Variants in TAFA1 observed in about 807,000 individuals in gnomAD.
TAFA1 encodes the protein TAFA chemokine like family member 1.
In TAFA1, 4 loss-of-function variants were observed where a neutral mutation model predicts 18.5. The ratio of observed to expected loss-of-function variants is 0.22; its 90% confidence interval spans 0.11 to 0.49. The LOEUF is 0.49. Ranked by LOEUF, TAFA1 falls within the 20% of genes least tolerant of loss-of-function variation. The probability of loss-of-function intolerance (pLI) is 0.98; values close to 1 mark genes in which losing one functional copy is unlikely to be tolerated. For missense variants in TAFA1, 147 were observed against 169.0 expected (o/e 0.87, Z 0.72); for synonymous variants, 56 against 55.2 (o/e 1.01, Z -0.06).
At position 68,030,748 on chromosome 3, in the gene TAFA1, A is replaced by C. The variant is rs148147551; in HGVS notation, c.118+24004A>C. Among the ~76,000 whole-genome samples the C allele has an allele frequency of 2.5e-3, 377 of 152,240 alleles. 2 individuals are homozygous for C. The highest frequency in any genetic ancestry group is 8.4e-3 in the Admixed American group (128 of 15,280). ...CTGTGTGTATGTGTCTTTATAGTAGAATGATTTATAATCCTTTGGGTATAT... is the reference window on the plus strand; with the variant it reads ...CTGTGTGTATGTGTCTTTATAGTAGCATGATTTATAATCCTTTGGGTATAT... On this transcript the variant is annotated intron_variant, in intron 2 of 4. Transcript: ENST00000478136.
chr3:68,460,694 C>G (rs558816539), intron 3 of TAFA1, among the ~76,000 whole-genome samples: 10 of 152,226 alleles, frequency 6.6e-5, no homozygotes, highest in Non-Finnish European at 1.0e-4. Context: ...AAGGCAGTAC[C>G]TGGAGTGGCT....
At chr3:68,409,385 G>A (rs535729885) in intron 2 of TAFA1, among the ~76,000 whole-genome samples, 1 of 152,204 alleles carries the variant, frequency 6.6e-6, no homozygotes, top group African/African-American at 2.4e-5. Flanking sequence ...CCTAGTTGGA[G>A]GTGATTGGAT....
intron 2 of TAFA1, among the ~76,000 whole-genome samples, chr3:68,098,138 A>G (rs1036571352): frequency 7.2e-5 from 11 of 152,340 alleles, no homozygotes; most frequent in Admixed American, 2.6e-4. Flanking sequence ...TTCCTTTCAA[A>G]TGAAACTTGC....
chr3:68,379,272 CT>C (rs1223526939), intron 2 of TAFA1, among the ~76,000 whole-genome samples: 2 of 152,120 alleles, frequency 1.3e-5, no homozygotes, highest in African/African-American at 4.8e-5. Flanking sequence ...TGTTGAGCTT[CT>C]TTTCATATGA....
intron 2 of TAFA1, among the ~76,000 whole-genome samples, chr3:68,248,405 T>C (rs1395932377): frequency 6.6e-6 from 1 of 152,068 alleles, no homozygotes; most frequent in Admixed American, 6.5e-5. Flanking sequence ...CAATTTGCCT[T>C]AGGCTTGATG....
chr3:68,329,301 C>T (rs145731713), intron 2 of TAFA1, among the ~76,000 whole-genome samples: 6,569 of 146,250 alleles, frequency 0.045, 229 homozygotes, highest in African/African-American at 0.076. Flanking sequence ...CTACTGACCT[C>T]GTGATCCACC....
chr3:68,031,908 G>A lies in TAFA1; in HGVS notation c.118+25164G>A, dbSNP rs148894452. The stretch of plus-strand genomic sequence containing the variant: ...AACCAAGCCAGAATCATTGGGACGC[G>A]TTTTTTAATAGTTAATCTGTAAATT... On this transcript the variant is annotated intron_variant, in intron 2 of 4. Coordinates refer to ENST00000478136, the MANE Select transcript of TAFA1 (RefSeq NM_213609.4). 3.3e-3 allele frequency among the ~76,000 whole-genome samples: 500 copies of A among 152,162 alleles called. 4 individuals carry two copies. The highest frequency in any genetic ancestry group is 0.012 in the African/African-American group (483 of 41,510).
chr3:68,148,760 G>T (rs1238747024), intron 2 of TAFA1, among the ~76,000 whole-genome samples: 1 of 152,134 alleles, frequency 6.6e-6, no homozygotes, highest in Non-Finnish European at 1.5e-5. Context: ...GCAGAGCTAA[G>T]GGTTATCCCC....
intron 3 of TAFA1, among the ~76,000 whole-genome samples, chr3:68,490,240 T>A (rs189224113): frequency 7.0e-4 from 106 of 152,328 alleles, no homozygotes; most frequent in Admixed American, 4.2e-3. Context: ...AACCAATATT[T>A]TCCAGTGAAT....
chr3:68,397,460 C>G (rs545036993), intron 2 of TAFA1, among the ~76,000 whole-genome samples: 2 of 152,224 alleles, frequency 1.3e-5, no homozygotes, highest in Non-Finnish European at 2.9e-5. Context: ...TGGTTTCCAG[C>G]TTCATCCATG....
At chr3:68,265,884 A>G (rs556879834) in intron 2 of TAFA1, among the ~76,000 whole-genome samples, 1 of 152,296 alleles carries the variant, frequency 6.6e-6, no homozygotes, top group African/African-American at 2.4e-5. Context: ...CAGCTCTAGC[A>G]TGTCATCCTA....
chr3:68,299,173 C>T (rs1285916029), intron 2 of TAFA1, among the ~76,000 whole-genome samples: 1 of 152,116 alleles, frequency 6.6e-6, no homozygotes, highest in African/African-American at 2.4e-5. Context: ...ACTTCCCACT[C>T]AGAGAATGCC....
At position 68,036,978 on chromosome 3, in the gene TAFA1, C is replaced by A. The variant is rs143393159; in HGVS notation, c.118+30234C>A. Among the ~76,000 whole-genome samples, 15 of 152,284 alleles carry A rather than the reference C, an allele frequency of 9.9e-5. No individual in the cohort carries two copies. In the East Asian group the frequency reaches 1.9e-3, roughly 20 times the overall value. ...GTCCCTCACCAGGAACTAATTCCTG[C>A]TCTCTGAGACCCATAGTCTAGTGGA... On this transcript the variant is annotated intron_variant, in intron 2 of 4. Coordinates refer to ENST00000478136, the MANE Select transcript of TAFA1 (RefSeq NM_213609.4).
intron 3 of TAFA1, among the ~76,000 whole-genome samples, chr3:68,488,156 A>G (rs1005148538): frequency 2.0e-5 from 3 of 152,220 alleles, no homozygotes; most frequent in East Asian, 1.9e-4. Context: ...GACTCACACA[A>G]TCACAAGGTG....
intron 3 of TAFA1, among the ~76,000 whole-genome samples, chr3:68,488,781 T>G (rs1450698586): frequency 1.3e-5 from 2 of 152,228 alleles, no homozygotes; most frequent in Admixed American, 1.3e-4. Flanking sequence ...AGTAGTGGAA[T>G]TAAAGCTGTT....
At chr3:68,064,892 T>A (rs2064654447) in intron 2 of TAFA1, among the ~76,000 whole-genome samples, 1 of 152,066 alleles carries the variant, frequency 6.6e-6, no homozygotes, top group Admixed American at 6.6e-5. Context: ...CTAGGGAATA[T>A]CAGCATTTTT....
chr3:68,145,184 C>G lies in TAFA1; in HGVS notation c.118+138440C>G, dbSNP rs1347579068. 6.1e-6 allele frequency: 5 copies of G among 818,278 alleles called. No homozygotes were observed. In the Admixed American group the frequency reaches 8.5e-5, roughly 14 times the overall value. The allele number at this position is 818,278 out of a possible 1,614,324, so 50.7% of individuals were successfully genotyped here. ...TGCAAGATATCTTTGGAAAAGAATA[C>G]CACCTGCTACAAAATCTGCAAATTC... On this transcript the variant is annotated intron_variant, in intron 2 of 4. Coordinates refer to ENST00000478136, the MANE Select transcript of TAFA1 (RefSeq NM_213609.4).
intron 2 of TAFA1, among the ~76,000 whole-genome samples, chr3:68,363,826 C>G (rs1297168997): frequency 6.6e-6 from 1 of 152,014 alleles, no homozygotes; most frequent in East Asian, 1.9e-4. Context: ...TTTATGAGTA[C>G]GCAAACTGAA....
At chr3:68,243,429 G>C (rs1438278933) in intron 2 of TAFA1, among the ~76,000 whole-genome samples, 1 of 151,738 alleles carries the variant, frequency 6.6e-6, no homozygotes, top group African/African-American at 2.4e-5. Flanking sequence ...ATTGCCACAG[G>C]GCTTCCTTAA....
Sources: allele counts gnomAD v4.1 joint callset (sites outside exome capture counted in the v4.1 genomes callset), GRCh38; gene constraint gnomAD v4.1.1; transcripts MANE v1.5; gene names NCBI Gene and HGNC (gene_info 2026-07-23, HGNC 2026-07-21).